Variants in HAVCR1 observed in about 807,000 individuals in gnomAD.
HAVCR1 encodes hepatitis A virus cellular receptor 1.
Under a neutral mutation model 32.0 loss-of-function variants are expected in HAVCR1, and 34 were observed. The observed-to-expected ratio is 1.06, with a 90% CI of 0.81 to 1.42. The LOEUF (loss-of-function observed/expected upper bound fraction) is 1.42, where lower values mean the gene tolerates loss of function less well. HAVCR1 is among the 40% of genes most tolerant of loss of function. HAVCR1 has a pLI of 0.00. For missense variants in HAVCR1, 420 were observed against 442.3 expected (o/e 0.95, Z 0.45); for synonymous variants, 178 against 170.3 (o/e 1.05, Z -0.35).
upstream of HAVCR1, among the ~76,000 whole-genome samples, chr5:157,061,265 G>A (rs770385289): frequency 7.9e-5 from 12 of 152,020 alleles, no homozygotes; most frequent in African/African-American, 1.9e-4. Context: ...GACAGTCTTC[G>A]GGGAGTTGAG....
intron 3 of HAVCR1, 73 bp from the exon 4 acceptor site, chr5:157,052,727 C>T: frequency 8.1e-7 from 1 of 1,230,446 alleles, no homozygotes; most frequent in East Asian, 2.3e-5. Flanking sequence ...GGAACTGTAC[C>T]CTAGCACACC....
intron 3 of HAVCR1, 25 bp downstream of exon 3, chr5:157,055,176 C>A: frequency 2.4e-6 from 3 of 1,243,378 alleles, no homozygotes. Context: ...AATTAACTAG[C>A]AAGAAATATC....
chr5:157,039,928 C>T (rs1754773803), intron 6 of HAVCR1, among the ~76,000 whole-genome samples: 1 of 152,142 alleles, frequency 6.6e-6, no homozygotes, highest in Non-Finnish European at 1.5e-5. Flanking sequence ...TCTGCTACTG[C>T]CAACCTTGAA....
At chr5:157,038,574 G>C (rs751622502) in intron 6 of HAVCR1, among the ~76,000 whole-genome samples, 3 of 152,110 alleles carry the variant, frequency 2.0e-5, no homozygotes, top group Non-Finnish European at 2.9e-5. Context: ...GGTACTTTCA[G>C]GTCCTTCCTG....
intron 4 of HAVCR1, among the ~76,000 whole-genome samples, chr5:157,051,392 G>A (rs2113607634): frequency 6.6e-6 from 1 of 152,190 alleles, no homozygotes; most frequent in East Asian, 1.9e-4. Context: ...CAGTAAAAAT[G>A]TTAGATCAGG....
intron 5 of HAVCR1, among the ~76,000 whole-genome samples, chr5:157,044,444 A>G (rs1391938334): frequency 5.9e-5 from 3 of 51,068 alleles, no homozygotes; most frequent in African/African-American, 2.8e-4. Context: ...AGAAAGAAAG[A>G]AAGAAAGAAA....
intron 5 of HAVCR1, among the ~76,000 whole-genome samples, chr5:157,043,821 G>T (rs977631863): frequency 6.6e-6 from 1 of 152,144 alleles, no homozygotes; most frequent in Non-Finnish European, 1.5e-5. Context: ...AAATACACAG[G>T]AAATGGTTAA....
chr5:157,043,951 G>T (rs935688191), intron 5 of HAVCR1, among the ~76,000 whole-genome samples: 1 of 152,112 alleles, frequency 6.6e-6, no homozygotes, highest in African/African-American at 2.4e-5. Context: ...AATGCTATAG[G>T]GCTCAACATG....
intron 3 of HAVCR1, among the ~76,000 whole-genome samples, chr5:157,054,202 A>C (rs1276372286): frequency 2.0e-5 from 3 of 151,032 alleles, no homozygotes; most frequent in African/African-American, 7.3e-5. Context: ...AAAAAAAAAA[A>C]AAAAAAAAAA....
chr5:157,067,542 A>G, the HAVCR1 span, among the ~76,000 whole-genome samples: 1 of 152,188 alleles, frequency 6.6e-6, no homozygotes, highest in African/African-American at 2.4e-5. Context: ...ATGGTTGCAC[A>G]AGTGTGTGGT....
intron 4 of HAVCR1, among the ~76,000 whole-genome samples, chr5:157,051,408 C>T (rs1412987582): frequency 6.6e-6 from 1 of 152,078 alleles, no homozygotes; most frequent in Admixed American, 6.6e-5. Flanking sequence ...TCAGGGCAAA[C>T]TCATCCAAAC....
At chr5:157,040,679 C>T (rs1304759916) in intron 6 of HAVCR1, among the ~76,000 whole-genome samples, 1 of 152,146 alleles carries the variant, frequency 6.6e-6, no homozygotes, top group Non-Finnish European at 1.5e-5. Flanking sequence ...GCAGGCAGAT[C>T]ACCTGAGGTC....
intron 3 of HAVCR1, 25 bp from the exon 4 acceptor site, chr5:157,052,679 G>A (rs1755839362): frequency 6.3e-7 from 1 of 1,597,886 alleles, no homozygotes; most frequent in Non-Finnish European, 8.6e-7. Flanking sequence ...CAACATGAGA[G>A]TGAGCATAAG....
chr5:157,030,886 CAG>C (rs2113465472), intron 8 of HAVCR1, among the ~76,000 whole-genome samples: 1 of 152,230 alleles, frequency 6.6e-6, no homozygotes, highest in South Asian at 2.1e-4. Flanking sequence ...GGTCCCTAAA[CAG>C]GTCAGTCATA....
intron 6 of HAVCR1, among the ~76,000 whole-genome samples, chr5:157,037,702 C>G (rs929136530): frequency 1.3e-5 from 2 of 152,066 alleles, no homozygotes; most frequent in Admixed American, 1.3e-4. Flanking sequence ...TAGGCTATTT[C>G]CACAAATACA....
the HAVCR1 span, among the ~76,000 whole-genome samples, chr5:157,068,711 CA>C: frequency 2.0e-5 from 3 of 151,596 alleles, no homozygotes; most frequent in Admixed American, 6.6e-5. Flanking sequence ...CTCCCAGGCT[CA>C]ATCCATCCTC....
At chr5:157,063,188 A>C (rs915367252), upstream of HAVCR1, among the ~76,000 whole-genome samples, 1 of 147,598 alleles carries the variant, frequency 6.8e-6, no homozygotes, top group Admixed American at 6.8e-5. Context: ...GTACTCATTT[A>C]ACAATTATTT....
intron 5 of HAVCR1, 38 bp downstream of exon 5, chr5:157,049,000 G>T: frequency 1.7e-6 from 2 of 1,187,622 alleles, no homozygotes; most frequent in Non-Finnish European, 2.5e-6. Context: ...ATCAAGGTTT[G>T]AATGATCCCA....
rs776529281 is a variant in HAVCR1, at chr5:157,052,608, C to A, written c.426G>T (p.Thr142=). 2 of 1,612,856 alleles carry A rather than the reference C, an allele frequency of 1.2e-6. No homozygotes were observed. Among genetic ancestry groups the A allele is most frequent in the South Asian group, 2.2e-5 (2 of 90,896 alleles). Residue 142 remains threonine, a synonymous_variant, in exon 4 of 9, where the codon ACG becomes ACT. Coordinates refer to ENST00000523175, the MANE Select transcript of HAVCR1 (RefSeq NM_001173393.3). ...TPIVTTVPTV[T]TVRTSTTVPT... is the part of the protein sequence containing the mutation. ...GAACAGTGGTGCTCGTTCGAACAGT[C>A]GTGACGGTTGGAACAGTTGTGACAA...
Sources: gnomAD v4.1 joint callset for allele counts (sites outside exome capture counted in the v4.1 genomes callset) on GRCh38, gnomAD v4.1.1 for gene constraint, MANE v1.5 for transcripts, NCBI Gene and HGNC (gene_info 2026-07-23, HGNC 2026-07-21) for gene names.